CHN1: variants seen among roughly 807,000 people sequenced by gnomAD.
CHN1 encodes chimerin 1, also known as N-chimaerin.
A neutral mutation model predicts 59.5 loss-of-function variants in CHN1; 37 were observed. That is an observed-to-expected ratio of 0.62 (90% CI 0.48 to 0.82). The LOEUF is 0.82. CHN1 is among the 40% of genes least tolerant of loss of function. The probability of loss-of-function intolerance (pLI) is 0.00; values close to 1 mark genes in which losing one functional copy is unlikely to be tolerated. For synonymous variants in CHN1, 206 were observed against 200.4 expected (o/e 1.03, Z -0.24); for missense variants, 469 against 571.0 (o/e 0.82, Z 1.82).
intron 1 of CHN1, among the ~76,000 whole-genome samples, chr2:174,987,596 C>A (rs1175679118): frequency 6.6e-6 from 1 of 151,846 alleles, no homozygotes; most frequent in Non-Finnish European, 1.5e-5. Context: ...AGCCCGCCAC[C>A]AGCTAATTTT....
At chr2:174,829,343 A>T (rs1160473677) in intron 7 of CHN1, among the ~76,000 whole-genome samples, 1 of 152,256 alleles carries the variant, frequency 6.6e-6, no homozygotes, top group Admixed American at 6.5e-5. Context: ...CATATGGCAC[A>T]GGCCAAGTGT....
chr2:174,991,255 G>A lies in CHN1; in HGVS notation c.19+13639C>T, dbSNP rs150513303. Among the ~76,000 whole-genome samples, 299 of 152,290 alleles carry A rather than the reference G, an allele frequency of 2.0e-3. 3 individuals are homozygous for A. Among genetic ancestry groups the A allele is most frequent in the East Asian group, 2.7e-3 (14 of 5,190 alleles). ...AAAGGCTTCCCTTCACCAATTCCTT[G>A]CTAACAGCCTAGAAAAGTCTAAAAG... On this transcript the variant is annotated intron_variant, in intron 1 of 12. Transcript: ENST00000409900.
chr2:174,884,666 A>G (rs1382679093), intron 5 of CHN1, among the ~76,000 whole-genome samples: 1 of 152,224 alleles, frequency 6.6e-6, no homozygotes, highest in Non-Finnish European at 1.5e-5. Flanking sequence ...TACATCTGGC[A>G]GCAACATCCA....
At chr2:174,843,102 T>C (rs1373117284) in intron 7 of CHN1, among the ~76,000 whole-genome samples, 1 of 152,246 alleles carries the variant, frequency 6.6e-6, no homozygotes, top group Non-Finnish European at 1.5e-5. Context: ...CTCTTGATTT[T>C]ATTTTATAGA....
intron 1 of CHN1, among the ~76,000 whole-genome samples, chr2:174,996,418 A>G (rs569221033): frequency 1.3e-5 from 2 of 152,362 alleles, no homozygotes; most frequent in South Asian, 2.1e-4. Context: ...AATATTTACA[A>G]TAACGATATA....
chr2:174,973,707 C>T (rs1267469908), intron 1 of CHN1, among the ~76,000 whole-genome samples: 2 of 152,124 alleles, frequency 1.3e-5, no homozygotes, highest in African/African-American at 2.4e-5. Flanking sequence ...TGCAGGACAG[C>T]GGTGAGAAGT....
intron 5 of CHN1, among the ~76,000 whole-genome samples, chr2:174,911,307 C>G (rs896825736): frequency 2.0e-5 from 3 of 152,130 alleles, no homozygotes; most frequent in Non-Finnish European, 2.9e-5. Context: ...AACTGATATT[C>G]GCCATATCTC....
chr2:174,830,731 AG>A (rs1452155581), intron 7 of CHN1, among the ~76,000 whole-genome samples: 1 of 152,194 alleles, frequency 6.6e-6, no homozygotes, highest in African/African-American at 2.4e-5. Context: ...AGCAGCAGAC[AG>A]GAGTGAGGGA....
chr2:174,799,402 T>A lies in CHN1; in HGVS notation c.*714A>T. 1 of 438,716 alleles carries A rather than the reference T, an allele frequency of 2.3e-6. No individual in the cohort carries two copies. The allele number at this position is 438,716 out of a possible 1,614,324, so 27.2% of individuals were successfully genotyped here. ...AAAAGTAAGCTATCAATATTTTTTA[T>A]TTCTAAAAGCCAATTTAATAAATTA... is the stretch of plus-strand genomic sequence containing the variant. On this transcript the variant is annotated 3_prime_UTR_variant, in exon 13 of 13. Transcript: ENST00000409900.
chr2:174,893,671 A>C (rs908300728), intron 5 of CHN1, among the ~76,000 whole-genome samples: 1 of 152,204 alleles, frequency 6.6e-6, no homozygotes, highest in Non-Finnish European at 1.5e-5. Flanking sequence ...ACAAATGGCC[A>C]AAACGATCTT....
chr2:174,953,838 C>T (rs1690104677), intron 1 of CHN1, among the ~76,000 whole-genome samples: 1 of 152,096 alleles, frequency 6.6e-6, no homozygotes, highest in Admixed American at 6.6e-5. Context: ...GGATGCATAG[C>T]ATCAATATTG....
chr2:174,870,950 G>C (rs1273056639), intron 6 of CHN1, among the ~76,000 whole-genome samples: 3 of 152,112 alleles, frequency 2.0e-5, no homozygotes, highest in African/African-American at 7.2e-5. Context: ...CTTTGGAACT[G>C]GGGAACTGAT....
intron 1 of CHN1, among the ~76,000 whole-genome samples, chr2:174,982,319 A>G (rs377640848): frequency 0.01 from 1,544 of 152,258 alleles, 29 homozygotes; most frequent in African/African-American, 0.035. Flanking sequence ...ACCCAGTAAC[A>G]GGATGGCTGG....
intron 3 of CHN1, among the ~76,000 whole-genome samples, chr2:174,925,492 C>T (rs756170532): frequency 4.6e-5 from 7 of 152,208 alleles, no homozygotes; most frequent in Non-Finnish European, 8.8e-5. Context: ...CAGGCCTTCC[C>T]TTTCTAGGTC....
chr2:174,811,506 C>T lies in CHN1; in HGVS notation c.964+5G>A, dbSNP rs1685072620. On this transcript the variant is annotated splice_donor_5th_base_variant and intron_variant, in intron 10 of 12. Coordinates refer to ENST00000409900, the MANE Select transcript of CHN1 (RefSeq NM_001822.7). ...CTAAGTTATGGAACATTGTGAAAAA[C>T]ATACCTCTGTCGAAAGCCATCTTGA... is the stretch of plus-strand genomic sequence containing the variant. 1 of 1,600,446 alleles carries T rather than the reference C, an allele frequency of 6.2e-7. No homozygotes were observed. The highest frequency in any genetic ancestry group is 8.6e-7 in the Non-Finnish European group (1 of 1,169,122).
intron 1 of CHN1, among the ~76,000 whole-genome samples, chr2:174,955,673 ATAAAATGTGGTATGTACACACCATG>A (rs1690184024): frequency 6.6e-6 from 1 of 152,178 alleles, no homozygotes; most frequent in Non-Finnish European, 1.5e-5. Flanking sequence ...ATAAAATAAA[ATAAAATGTGGTATGTACACACCATG>A]TAATACTAAA....
At chr2:174,944,834 T>C (rs1175678602) in intron 3 of CHN1, 54 bp downstream of exon 3, 23 of 1,306,898 alleles carry the variant, frequency 1.8e-5, no homozygotes, top group East Asian at 1.2e-4. Flanking sequence ...AGGTGAAAGT[T>C]TGGGAAACAG....
At chr2:174,933,689 G>A (rs542233006) in intron 3 of CHN1, among the ~76,000 whole-genome samples, 1 of 152,320 alleles carries the variant, frequency 6.6e-6, no homozygotes, top group South Asian at 2.1e-4. Context: ...TTTAAGATAG[G>A]AGAAATAATA....
chr2:174,821,469 T>G (rs1246481894), intron 8 of CHN1, among the ~76,000 whole-genome samples: 1 of 152,206 alleles, frequency 6.6e-6, no homozygotes, highest in African/African-American at 2.4e-5. Context: ...TTCCCTGCTG[T>G]GGTTTGAAAG....
Sources: gnomAD v4.1 joint callset for allele counts (sites outside exome capture counted in the v4.1 genomes callset) on GRCh38, gnomAD v4.1.1 for gene constraint, MANE v1.5 for transcripts, NCBI Gene and HGNC (gene_info 2026-07-23, HGNC 2026-07-21) for gene names.